The following CADPS variants were observed in gnomAD, a reference collection of about 807,000 sequenced individuals.
CADPS encodes the protein calcium dependent secretion activator.
A neutral mutation model predicts 167.3 loss-of-function variants in CADPS; 57 were observed. The observed-to-expected ratio is 0.34, with a 90% CI of 0.28 to 0.42. The LOEUF (loss-of-function observed/expected upper bound fraction) is 0.42, where lower values mean the gene tolerates loss of function less well. Ranked by LOEUF, CADPS falls within the 20% of genes least tolerant of loss-of-function variation. CADPS has a pLI of 1.00. For missense variants in CADPS, 1,414 were observed against 1,738.1 expected (o/e 0.81, Z 3.32); for synonymous variants, 676 against 635.3 (o/e 1.06, Z -0.96).
chr3:62,753,772 A>C lies in CADPS; in HGVS notation c.557T>G (p.Val186Gly). ...GGCCACACGGTCGCTCTTCAGGAACACCTGAGCAAGAACAAGGCCAGGAAA... is the reference window on the plus strand; with the variant it reads ...GGCCACACGGTCGCTCTTCAGGAACCCCTGAGCAAGAACAAGGCCAGGAAA... ...FMNAVQSYYEVFLKSDRVARM... is the reference protein window; with the variant it reads ...FMNAVQSYYEGFLKSDRVARM... Residue 186 changes from valine to glycine, a missense_variant and splice_region_variant, in exon 3 of 30, where the codon GTG (valine) becomes GGG (glycine). Coordinates refer to ENST00000383710, the MANE Select transcript of CADPS (RefSeq NM_003716.4). This position sits in a 1 kb window ranked among gnomAD's most constrained non-coding sequence, Gnocchi z 4.6. 1 of 1,609,544 alleles carries C rather than the reference A, an allele frequency of 6.2e-7. No homozygotes were observed. The highest frequency in any genetic ancestry group is 8.5e-7 in the Non-Finnish European group (1 of 1,176,906).
chr3:62,799,337 G>A (rs1160118246), intron 1 of CADPS, among the ~76,000 whole-genome samples: 1 of 152,028 alleles, frequency 6.6e-6, no homozygotes, highest in Non-Finnish European at 1.5e-5. Context: ...CTGTTGGTGT[G>A]CTCTAACTCT....
At chr3:62,522,150 T>TA (rs987282716) in intron 13 of CADPS, among the ~76,000 whole-genome samples, 5 of 149,700 alleles carry the variant, frequency 3.3e-5, no homozygotes, top group Non-Finnish European at 5.9e-5. Context: ...TCTATCTATC[T>TA]AACTATTGAG....
chr3:62,530,475 T>C (rs1247826838), intron 13 of CADPS, among the ~76,000 whole-genome samples: 1 of 152,122 alleles, frequency 6.6e-6, no homozygotes, highest in Non-Finnish European at 1.5e-5. Context: ...TTAGTCCCAA[T>C]ACACGGTATT....
At chr3:62,515,453 C>T (rs1418419314) in intron 16 of CADPS, among the ~76,000 whole-genome samples, 1 of 152,122 alleles carries the variant, frequency 6.6e-6, no homozygotes, top group African/African-American at 2.4e-5. Context: ...TCAGTGACCA[C>T]TTCCCTAAAA....
At chr3:62,837,535 A>G (rs1278930415) in intron 1 of CADPS, among the ~76,000 whole-genome samples, 1 of 152,174 alleles carries the variant, frequency 6.6e-6, no homozygotes, top group Non-Finnish European at 1.5e-5. Flanking sequence ...CCCCTGATTC[A>G]TGGCTGGGGC....
chr3:62,790,431 A>G (rs1437342232), intron 1 of CADPS, among the ~76,000 whole-genome samples: 3 of 152,116 alleles, frequency 2.0e-5, no homozygotes, highest in African/African-American at 7.2e-5. Context: ...GTCTCCATGT[A>G]TATTTGTTTC....
chr3:62,482,782 T>C (rs2062196611), intron 21 of CADPS, among the ~76,000 whole-genome samples: 1 of 152,172 alleles, frequency 6.6e-6, no homozygotes, highest in Non-Finnish European at 1.5e-5. Context: ...CTTACATGGG[T>C]GTGTGTTCAA....
intron 3 of CADPS, among the ~76,000 whole-genome samples, chr3:62,677,987 T>C (rs1267039185): frequency 6.6e-6 from 1 of 152,124 alleles, no homozygotes; most frequent in African/African-American, 2.4e-5. Context: ...GTTAAACAAC[T>C]GGGGTCTTGC....
At chr3:62,755,124 T>G (rs2083555726) in intron 2 of CADPS, among the ~76,000 whole-genome samples, 1 of 152,154 alleles carries the variant, frequency 6.6e-6, no homozygotes, top group South Asian at 2.1e-4. Context: ...GGAAGGGACT[T>G]CCTTTTGGTA....
intron 28 of CADPS, among the ~76,000 whole-genome samples, chr3:62,405,096 C>G (rs1559945655): frequency 6.8e-6 from 1 of 146,406 alleles, no homozygotes; most frequent in African/African-American, 2.6e-5. Flanking sequence ...AACCCCAGGC[C>G]TCAAATTCCA....
intron 6 of CADPS, among the ~76,000 whole-genome samples, chr3:62,622,273 C>T (rs956795021): frequency 1.1e-4 from 17 of 152,088 alleles, no homozygotes; most frequent in African/African-American, 4.1e-4. Context: ...GGATACTTCT[C>T]GCTCTCAACC....
intron 3 of CADPS, among the ~76,000 whole-genome samples, chr3:62,684,810 T>C (rs1465510519): frequency 6.6e-6 from 1 of 151,950 alleles, no homozygotes; most frequent in Non-Finnish European, 1.5e-5. Flanking sequence ...CAGGATACTT[T>C]AGTACAAAGT....
At position 62,438,139 on chromosome 3, in the gene CADPS, C is replaced by A. The variant is rs751860249; in HGVS notation, c.3742G>T (p.Val1248Phe). Residue 1248 changes from valine to phenylalanine, a missense_variant, in exon 28 of 30, where the codon GTC becomes TTC. By Grantham distance (50) the Val-to-Phe change is conservative (BLOSUM62 -1). Coordinates refer to ENST00000383710, the MANE Select transcript of CADPS (RefSeq NM_003716.4). The surrounding 1 kb of genome is among the most constrained non-coding windows in gnomAD (Gnocchi z 4.7). ...CTTTCTATGTACATCTCCTCATTGA[C>A]CTTATCACGCAGGACATCCTGAGAA... Reference protein sequence around the residue: ...RHSQDVLRDKVNEEMYIERLF... With the variant: ...RHSQDVLRDKFNEEMYIERLF... The A allele has an allele frequency of 6.8e-6, 11 of 1,613,624 alleles. No individual in the cohort carries two copies.
chr3:62,400,140 G>T (rs1705366075), intron 29 of CADPS, among the ~76,000 whole-genome samples: 1 of 152,206 alleles, frequency 6.6e-6, no homozygotes, highest in South Asian at 2.1e-4. Context: ...GAAAGATGGA[G>T]CGCTAATGCC....
chr3:62,789,094 A>G (rs2152720923), intron 1 of CADPS, among the ~76,000 whole-genome samples: 1 of 152,308 alleles, frequency 6.6e-6, no homozygotes, highest in South Asian at 2.1e-4. Flanking sequence ...GGTGGTTCAA[A>G]GCACTGAGCA....
At chr3:62,764,381 G>A (rs530570209) in intron 2 of CADPS, among the ~76,000 whole-genome samples, 5 of 152,240 alleles carry the variant, frequency 3.3e-5, no homozygotes, top group East Asian at 1.9e-4. Context: ...ACTCATTGGC[G>A]ATAATGAATG....
intron 1 of CADPS, among the ~76,000 whole-genome samples, chr3:62,846,092 A>T (rs1405193797): frequency 6.6e-6 from 1 of 150,856 alleles, no homozygotes; most frequent in East Asian, 2.0e-4. Flanking sequence ...TCCTGCCACC[A>T]TGTGAAGACA....
intron 5 of CADPS, among the ~76,000 whole-genome samples, chr3:62,648,861 C>T (rs2069270839): frequency 6.6e-6 from 1 of 151,942 alleles, no homozygotes; most frequent in Non-Finnish European, 1.5e-5. Flanking sequence ...TTCAGTACCT[C>T]AGGTGGCAGT....
At chr3:62,751,247 T>A (rs1230857132) in intron 3 of CADPS, among the ~76,000 whole-genome samples, 2 of 152,174 alleles carry the variant, frequency 1.3e-5, no homozygotes, top group African/African-American at 4.8e-5. Flanking sequence ...GAAACTTAGA[T>A]TACTAAAGAC....
Sources: allele counts gnomAD v4.1 joint callset (sites outside exome capture counted in the v4.1 genomes callset), GRCh38; gene constraint gnomAD v4.1.1; non-coding constraint Gnocchi (gnomAD v3.1); transcripts MANE v1.5; gene names NCBI Gene and HGNC (gene_info 2026-07-23, HGNC 2026-07-21).